Variants in CRADD observed in about 807,000 individuals in gnomAD.
CRADD encodes the protein death domain-containing protein CRADD.
In CRADD, 9 loss-of-function variants were observed where a neutral mutation model predicts 15.5. The ratio of observed to expected loss-of-function variants is 0.58; its 90% confidence interval spans 0.35 to 1.01. CRADD has a LOEUF of 1.01. Among genes scored for constraint, CRADD ranks in the 50% least tolerant of loss-of-function variants. The pLI, the probability that CRADD is intolerant of heterozygous loss-of-function variation, is 0.02. For missense variants in CRADD, 227 were observed against 250.3 expected (o/e 0.91, Z 0.63); for synonymous variants, 118 against 107.6 (o/e 1.10, Z -0.60).
intron 2 of CRADD, among the ~76,000 whole-genome samples, chr12:93,714,137 G>T (rs1053812424): frequency 6.6e-6 from 1 of 152,200 alleles, no homozygotes; most frequent in African/African-American, 2.4e-5. Context: ...GTTGTCCAAA[G>T]AAAATATAGG....
intron 2 of CRADD, among the ~76,000 whole-genome samples, chr12:93,843,902 A>G (rs1436955087): frequency 6.6e-6 from 1 of 151,844 alleles, no homozygotes; most frequent in East Asian, 1.9e-4. Flanking sequence ...TTTGTATGTT[A>G]GTAGAGACGA....
At position 93,678,923 on chromosome 12, in the gene CRADD, G is replaced by C. The variant is rs771092659; in HGVS notation, c.149G>C (p.Gly50Ala). 1 of 1,614,172 alleles carries C rather than the reference G, an allele frequency of 6.2e-7. No individual in the cohort carries two copies. The highest frequency in any genetic ancestry group is 8.5e-7 in the Non-Finnish European group (1 of 1,180,016). ...HIQEINAQTT[G>A]LRKTMLLLDI... ...CAAGAAATCAATGCTCAAACCACAG[G>C]CCTCCGGAAAACAATGCTCCTGCTG... Residue 50 changes from glycine to alanine, a missense_variant, in exon 2 of 3, where the codon GGC (glycine) becomes GCC (alanine). Gly to Ala is a moderately conservative substitution (Grantham distance 60). Coordinates refer to ENST00000332896, the MANE Select transcript of CRADD (RefSeq NM_003805.5).
downstream of CRADD, among the ~76,000 whole-genome samples, chr12:93,851,979 T>C (rs758060046): frequency 2.6e-5 from 4 of 152,378 alleles, no homozygotes; most frequent in Non-Finnish European, 5.9e-5. Flanking sequence ...CCACAGTTTA[T>C]TCTTCCAGTG....
intron 2 of CRADD, among the ~76,000 whole-genome samples, chr12:93,827,337 C>CA (rs1449394645): frequency 6.6e-6 from 1 of 151,992 alleles, no homozygotes; most frequent in Non-Finnish European, 1.5e-5. Context: ...TTTTGTCTGG[C>CA]AACTTGCACT....
chr12:93,846,565 A>G (rs1175232250), intron 2 of CRADD: 2 of 151,352 alleles, frequency 1.3e-5, no homozygotes, highest in South Asian at 2.1e-4. Flanking sequence ...AAAACACAAT[A>G]CAACGTTAAA....
At chr12:93,870,147 TCTC>T (rs1340165179) in intron 2 of CRADD, among the ~76,000 whole-genome samples, 16 of 152,136 alleles carry the variant, frequency 1.1e-4, no homozygotes, top group African/African-American at 3.6e-4. Context: ...TCCCAGGCCC[TCTC>T]CCAAGCAAAA....
At chr12:93,706,626 T>C (rs1955957156) in intron 2 of CRADD, among the ~76,000 whole-genome samples, 2 of 152,326 alleles carry the variant, frequency 1.3e-5, no homozygotes, top group South Asian at 2.1e-4. Context: ...AGAAGTGATA[T>C]TCATACTGAT....
chr12:93,879,984 C>T lies in CRADD; in HGVS notation c.299-14066C>T, dbSNP rs1337633387. Among the ~76,000 whole-genome samples the T allele has an allele frequency of 5.9e-5, 9 of 152,310 alleles. No individual in the cohort carries two copies. In the East Asian group the frequency reaches 9.7e-4, roughly 16 times the overall value. On this transcript the variant is annotated intron_variant, in intron 2 of 2. Transcript: ENST00000548483. ...CACCTACTCTATGCCAGGAGCTATGCAAGGCAGAAATAATACAGTAATGAA... is the reference window on the plus strand; with the variant it reads ...CACCTACTCTATGCCAGGAGCTATGTAAGGCAGAAATAATACAGTAATGAA...
downstream of CRADD, among the ~76,000 whole-genome samples, chr12:93,852,836 A>AGTGTGTGTGTGTGTGT (rs58175344): frequency 6.7e-6 from 1 of 149,492 alleles, no homozygotes; most frequent in African/African-American, 2.5e-5. Flanking sequence ...GTTGGGTTGG[A>AGTGTGTGTGTGTGTGT]GTGTGTGTGT....
chr12:93,863,636 G>GTGTGTA (rs1958337206), intron 2 of CRADD, among the ~76,000 whole-genome samples: 1 of 149,072 alleles, frequency 6.7e-6, no homozygotes, highest in Admixed American at 6.7e-5. Flanking sequence ...GTGTGTGTGT[G>GTGTGTA]TGTGTGTGAA....
intron 2 of CRADD, among the ~76,000 whole-genome samples, chr12:93,870,357 C>G (rs1166273916): frequency 6.6e-6 from 1 of 152,182 alleles, no homozygotes; most frequent in Non-Finnish European, 1.5e-5. Flanking sequence ...CTCCTCAGGT[C>G]TGTGTTATGG....
At chr12:93,830,863 CAAA>C (rs1957889001) in intron 2 of CRADD, among the ~76,000 whole-genome samples, 2 of 152,176 alleles carry the variant, frequency 1.3e-5, no homozygotes, top group Admixed American at 6.5e-5. Context: ...AGACAATCTC[CAAA>C]CAATTTACAG....
intron 2 of CRADD, among the ~76,000 whole-genome samples, chr12:93,876,412 C>T (rs113953479): frequency 1.7e-4 from 26 of 152,204 alleles, no homozygotes; most frequent in African/African-American, 5.1e-4. Flanking sequence ...CACTTTCTAC[C>T]CCTATCTCTT....
intron 2 of CRADD, among the ~76,000 whole-genome samples, chr12:93,696,079 AT>A: frequency 6.6e-6 from 1 of 152,380 alleles, no homozygotes; most frequent in Non-Finnish European, 1.5e-5. Flanking sequence ...TATTAAAAAT[AT>A]GAAAGGTAAC....
chr12:93,808,144 G>C (rs1476543320), intron 2 of CRADD, among the ~76,000 whole-genome samples: 1 of 151,974 alleles, frequency 6.6e-6, no homozygotes, highest in Non-Finnish European at 1.5e-5. Flanking sequence ...AGAAGGAGCT[G>C]TGTGAAGGGA....
chr12:93,712,402 C>T (rs540065329), intron 2 of CRADD, among the ~76,000 whole-genome samples: 5 of 152,246 alleles, frequency 3.3e-5, no homozygotes, highest in African/African-American at 1.2e-4. Context: ...ACAGCTCATC[C>T]GTATTCCTAG....
At chr12:93,804,491 A>G (rs1007446836) in intron 2 of CRADD, among the ~76,000 whole-genome samples, 13 of 152,136 alleles carry the variant, frequency 8.5e-5, no homozygotes, top group African/African-American at 2.4e-4. Flanking sequence ...AGAGATTTGG[A>G]TCAAACTAAA....
At chr12:93,806,820 G>A (rs182874270) in intron 2 of CRADD, among the ~76,000 whole-genome samples, 13 of 152,214 alleles carry the variant, frequency 8.5e-5, no homozygotes, top group Admixed American at 7.9e-4. Flanking sequence ...ATGTTAAATT[G>A]GAAGGAAATC....
intron 2 of CRADD, among the ~76,000 whole-genome samples, chr12:93,819,115 C>T (rs1188406481): frequency 1.3e-5 from 2 of 152,214 alleles, no homozygotes; most frequent in African/African-American, 4.8e-5. Context: ...CCCATGTGGG[C>T]AGGCCTATTA....
Sources: allele counts gnomAD v4.1 joint callset (sites outside exome capture counted in the v4.1 genomes callset), GRCh38; gene constraint gnomAD v4.1.1; transcripts MANE v1.5; gene names NCBI Gene and HGNC (gene_info 2026-07-23, HGNC 2026-07-21).